ABCA1: variants seen among roughly 807,000 people sequenced by gnomAD.
The protein encoded by ABCA1 is phospholipid-transporting ATPase ABCA1.
A neutral mutation model predicts 262.5 loss-of-function variants in ABCA1; 133 were observed. That is an observed-to-expected ratio of 0.51 (90% CI 0.44 to 0.59). The LOEUF is 0.59. ABCA1 is among the 20% of genes least tolerant of loss of function. The pLI is 0.00. For missense variants in ABCA1, 2,452 were observed against 2,777.5 expected, an observed-to-expected ratio of 0.88 and a Z score of 2.63; for synonymous variants, 1,022 against 1,043.5, an observed-to-expected ratio of 0.98 and a Z score of 0.40.
chr9:104,866,468 C>G (rs1408203431), intron 5 of ABCA1, among the ~76,000 whole-genome samples: 1 of 151,840 alleles, frequency 6.6e-6, no homozygotes, highest in Non-Finnish European at 1.5e-5. Context: ...GGTTAGGTGG[C>G]CAGCCCTTTT....
At chr9:104,824,898 T>C (rs1261553488) in intron 17 of ABCA1, among the ~76,000 whole-genome samples, 2 of 152,230 alleles carry the variant, frequency 1.3e-5, no homozygotes, top group Admixed American at 1.3e-4. Context: ...ATCTGCATGC[T>C]GCAAAATTGC....
intron 1 of ABCA1, among the ~76,000 whole-genome samples, chr9:104,907,841 T>C (rs1180723533): frequency 6.6e-6 from 1 of 152,248 alleles, no homozygotes; most frequent in African/African-American, 2.4e-5. Context: ...GTACGCTCTC[T>C]GGGTCTCATC....
Position 104,816,142 on chromosome 9 carries a change from C to T in ABCA1, c.3738+1G>A. 1 of 1,614,202 alleles carries T rather than the reference C, an allele frequency of 6.2e-7. No homozygotes were observed. The highest frequency in any genetic ancestry group is 8.5e-7 in the Non-Finnish European group (1 of 1,180,038). Reference sequence around the variant, plus strand: ...TTCCGACAGTCAGCCACTTAACTTACTTCTTCCAGGGTCGTCTCTGAGATG... The same window carrying T: ...TTCCGACAGTCAGCCACTTAACTTATTTCTTCCAGGGTCGTCTCTGAGATG... On this transcript the variant is annotated splice_donor_variant, in intron 25 of 49. Transcript: ENST00000374736. LOFTEE classifies it high-confidence loss of function.
At chr9:104,854,146 C>T (rs1337258754) in intron 7 of ABCA1, among the ~76,000 whole-genome samples, 5 of 152,122 alleles carry the variant, frequency 3.3e-5, no homozygotes, top group Non-Finnish European at 7.3e-5. Context: ...ACATGAAAAG[C>T]ATAAGAAGGA....
chr9:104,834,666 G>C (rs766096960), intron 11 of ABCA1, among the ~76,000 whole-genome samples: 9 of 148,996 alleles, frequency 6.0e-5, no homozygotes, highest in Middle Eastern at 3.4e-3. Context: ...GGAGACCTAA[G>C]ACTGCCCGCA....
intron 7 of ABCA1, chr9:104,855,226 T>A: frequency 6.9e-6 from 6 of 866,874 alleles, no homozygotes; most frequent in Non-Finnish European, 6.9e-6. Context: ...AGACAGAGTC[T>A]CACTCTGTCA....
intron 40 of ABCA1, 99 bp downstream of exon 40, chr9:104,794,288 C>T: frequency 6.3e-7 from 1 of 1,579,044 alleles, no homozygotes; most frequent in Non-Finnish European, 8.7e-7. Flanking sequence ...ACATCCTGTG[C>T]TTAGTCACCT....
chr9:104,924,572 T>C (rs1842321264), intron 1 of ABCA1, among the ~76,000 whole-genome samples: 1 of 149,914 alleles, frequency 6.7e-6, no homozygotes, highest in Non-Finnish European at 1.5e-5. Flanking sequence ...ATCATTCTAC[T>C]GCGCTCCAGC....
intron 5 of ABCA1, among the ~76,000 whole-genome samples, chr9:104,868,879 C>A (rs533292742): frequency 6.6e-6 from 1 of 152,024 alleles, no homozygotes; most frequent in Non-Finnish European, 1.5e-5. Flanking sequence ...CACATTTGCA[C>A]GTGCAGGCGG....
At chr9:104,835,893 T>G (rs1833774476) in intron 11 of ABCA1, among the ~76,000 whole-genome samples, 1 of 152,194 alleles carries the variant, frequency 6.6e-6, no homozygotes, top group Admixed American at 6.5e-5. Context: ...ACTGAGTCAC[T>G]TCACAGGGCC....
chr9:104,892,077 ACT>A lies in ABCA1; in HGVS notation c.67-2884_67-2883del, dbSNP rs145406734. On this transcript the variant is annotated intron_variant, in intron 2 of 49. Coordinates refer to ENST00000374736, the MANE Select transcript of ABCA1 (RefSeq NM_005502.4). ...AAATTATCTCATGGAACAAAAAAAC[ACT>A]GTTACCATAAAACTATCAAGAATAG... Among the ~76,000 whole-genome samples, 1,137 of 151,974 alleles carry A rather than the reference ACT, an allele frequency of 7.5e-3. 11 individuals are homozygous for A. The highest frequency in any genetic ancestry group is 0.025 in the African/African-American group (1,048 of 41,424).
chr9:104,927,289 A>C (rs1303262843), intron 1 of ABCA1, among the ~76,000 whole-genome samples: 2 of 152,014 alleles, frequency 1.3e-5, no homozygotes, highest in Non-Finnish European at 2.9e-5. Flanking sequence ...GAGCGCACGG[A>C]GACTGTAGGC....
At chr9:104,802,640 A>G (rs1767710931) in intron 33 of ABCA1, among the ~76,000 whole-genome samples, 1 of 152,194 alleles carries the variant, frequency 6.6e-6, no homozygotes, top group Admixed American at 6.5e-5. Context: ...CCTTGGGGAA[A>G]AGGCAGAGAG....
In ABCA1 at chr9:104,821,421, G is replaced by A. The variant is rs775581315; in HGVS notation, c.2914C>T (p.Arg972Trp). The change falls in exon 20 of 50, where the codon CGG (arginine) becomes TGG (tryptophan). Residue 972 changes from arginine (R) to tryptophan (W), a missense_variant. Coordinates refer to ENST00000374736, the MANE Select transcript of ABCA1 (RefSeq NM_005502.4). ...TGGGGACAGACCCCCAGGTTCTGCCGGATGGTGCTCATCTCAGAGCGAATG... is the reference window on the plus strand; with the variant it reads ...TGGGGACAGACCCCCAGGTTCTGCCAGATGGTGCTCATCTCAGAGCGAATG... ...KDIRSEMSTI[R>W]QNLGVCPQHN... is the part of the protein sequence containing the mutation. 3.3e-5 allele frequency: 54 copies of A among 1,614,018 alleles called. No homozygotes were observed. The highest frequency in any genetic ancestry group is 4.4e-5 in the Non-Finnish European group (52 of 1,180,040).
At chr9:104,862,103 CTTTTT>C (rs553286875) in intron 5 of ABCA1, among the ~76,000 whole-genome samples, 1 of 143,122 alleles carries the variant, frequency 7.0e-6, no homozygotes, top group African/African-American at 2.6e-5. Flanking sequence ...CTTTCCTTTT[CTTTTT>C]TTTTTTTTAT....
At chr9:104,923,339 C>T (rs949014729) in intron 1 of ABCA1, among the ~76,000 whole-genome samples, 5 of 152,306 alleles carry the variant, frequency 3.3e-5, no homozygotes, top group Non-Finnish European at 7.4e-5. Context: ...CACAGCTATT[C>T]GCAAACATCT....
chr9:104,896,572 G>C (rs1564269942), intron 2 of ABCA1, among the ~76,000 whole-genome samples: 2 of 151,968 alleles, frequency 1.3e-5, no homozygotes, highest in South Asian at 4.2e-4. Context: ...AGGCAAAAAG[G>C]TAAGTGGGGG....
In ABCA1 at chr9:104,799,861, T is replaced by C; in HGVS notation, c.4901A>G (p.His1634Arg). The C allele has an allele frequency of 6.2e-7, 1 of 1,614,166 alleles. No individual in the cohort carries two copies. The highest frequency in any genetic ancestry group is 1.1e-5 in the South Asian group (1 of 91,078). ...PSHYGITAFN[H>R]PLNLTKQQLS... ...CTGCTGCTTGGTGAGATTCAGGGGA[T>C]GATTGAAAGCAGTAATTCCATAATG... Residue 1634 changes from histidine (H) to arginine (R), a missense_variant, in exon 36 of 50, where the codon CAT (histidine) becomes CGT (arginine). Transcript: ENST00000374736.
In ABCA1 at chr9:104,819,708, T is replaced by C. The variant is rs1371901681; in HGVS notation, c.3119A>G (p.Lys1040Arg). 1.3e-5 allele frequency: 21 copies of C among 1,614,144 alleles called. No homozygotes were observed. Among genetic ancestry groups the C allele is most frequent in the Non-Finnish European group, 1.8e-5 (21 of 1,180,026 alleles). Reference protein sequence around the residue: ...TSQLSGGMQRKLSVALAFVGG... With the variant: ...TSQLSGGMQRRLSVALAFVGG... ...GACAAAGGCCAAGGCCACAGATAGCTTTCTCTGCATTCCACCTACAAAAAA... is the reference window on the plus strand; with the variant it reads ...GACAAAGGCCAAGGCCACAGATAGCCTTCTCTGCATTCCACCTACAAAAAA... Residue 1040 changes from lysine to arginine, a missense_variant, in exon 22 of 50, where the codon AAG (lysine) becomes AGG (arginine). Physicochemically the swap from Lys to Arg is conservative, Grantham distance 26 (BLOSUM62 2). Around this residue, in one of 4 missense-constraint regions of ABCA1, gnomAD observed 665 missense variants for 727.3 expected, o/e 0.91. Transcript: ENST00000374736.
Sources: allele counts gnomAD v4.1 joint callset (sites outside exome capture counted in the v4.1 genomes callset), GRCh38; gene constraint gnomAD v4.1.1; regional missense constraint gnomAD v4.1.1; transcripts MANE v1.5; gene names NCBI Gene and HGNC (gene_info 2026-07-23, HGNC 2026-07-21).